CLDN14: variants seen among roughly 807,000 people sequenced by gnomAD.
CLDN14 encodes the protein claudin-14.
CLDN14 carries 2 observed loss-of-function variants against 2.1 expected under a neutral mutation model. The ratio of observed to expected loss-of-function variants is 0.96; its 90% CI spans 0.39 to 3.01. The LOEUF is 3.01. Ranked by LOEUF, CLDN14 falls within the 30% of genes most tolerant of loss-of-function variation. The pLI is 0.09. For synonymous variants in CLDN14, 136 were observed against 154.4 expected, an observed-to-expected ratio of 0.88 and a Z score of 0.88; for missense variants, 298 against 328.0, an observed-to-expected ratio of 0.91 and a Z score of 0.71.
chr21:36,490,973 CA>C (rs1428721530), intron 2 of CLDN14, among the ~76,000 whole-genome samples: 2 of 151,960 alleles, frequency 1.3e-5, no homozygotes, highest in Non-Finnish European at 2.9e-5. Flanking sequence ...CACACACACA[CA>C]CACACACACA....
At chr21:36,486,266 C>T in intron 2 of CLDN14, 1 of 824,008 alleles carries the variant, frequency 1.2e-6, no homozygotes, top group South Asian at 1.4e-5. Flanking sequence ...ATCCCCTCTT[C>T]CTTAGGTCAG....
Position 36,471,977 on chromosome 21 carries a change from T to C in CLDN14, c.-82+7518A>G, listed in dbSNP as rs180723446. Among the ~76,000 whole-genome samples the C allele has an allele frequency of 3.1e-4, 47 of 152,370 alleles. 1 individual carries two copies. The highest frequency in any genetic ancestry group is 3.0e-3 in the Admixed American group (46 of 15,306). On this transcript the variant is annotated intron_variant, in intron 1 of 1. Transcript: ENST00000399135. ...CTCCAAAGCAGTTAGTTGTTAATGA[T>C]AAGAGTAAAAACAGTCATAGTTAAA...
intron 2 of CLDN14, among the ~76,000 whole-genome samples, chr21:36,492,570 A>C (rs2086979262): frequency 6.6e-6 from 1 of 152,168 alleles, no homozygotes; most frequent in South Asian, 2.1e-4. Context: ...TGGAGGTTGC[A>C]GTGAGCAGTG....
rs1335614887 is a variant in CLDN14, at chr21:36,537,567, A to G, written c.-219-27067T>C. Among the ~76,000 whole-genome samples the G allele has an allele frequency of 4.6e-5, 7 of 152,282 alleles. No individual in the cohort carries two copies. In the East Asian group the frequency reaches 1.3e-3, roughly 29 times the overall value. On this transcript the variant is annotated intron_variant, in intron 1 of 2. Coordinates refer to the CLDN14 transcript ENST00000342108. ...AGATACATAGGAGAATGTCCTTGGT[A>G]GACATCTAATGAAATATTTATAGTC... is the stretch of plus-strand genomic sequence containing the variant.
intron 1 of CLDN14, among the ~76,000 whole-genome samples, chr21:36,575,473 G>T (rs1945221880): frequency 6.6e-6 from 1 of 152,142 alleles, no homozygotes. Flanking sequence ...ATGTGTCAGG[G>T]TTAGGGTTTT....
At position 36,550,571 on chromosome 21, in the gene CLDN14, C is replaced by T. The variant is rs181891541; in HGVS notation, c.-220+25840G>A. ...CAGGTGCTGTCTGGAAAGTTGGGCCCATGGCATCAGCCCGGTTTCTAACCT... is the reference window on the plus strand; with the variant it reads ...CAGGTGCTGTCTGGAAAGTTGGGCCTATGGCATCAGCCCGGTTTCTAACCT... On this transcript the variant is annotated intron_variant, in intron 1 of 2. Transcript: ENST00000342108. Among the ~76,000 whole-genome samples, 88 of 152,260 alleles carry T rather than the reference C, an allele frequency of 5.8e-4. 3 individuals are homozygous for T. The highest frequency in any genetic ancestry group is 2.8e-3 in the Admixed American group (43 of 15,294).
intron 1 of CLDN14, among the ~76,000 whole-genome samples, chr21:36,549,778 T>A (rs1196229375): frequency 2.0e-5 from 3 of 152,200 alleles, no homozygotes; most frequent in Non-Finnish European, 2.9e-5. Context: ...CTTCAGGTCT[T>A]CACTCAAGTG....
chr21:36,463,873 G>A (rs926986183), intron 1 of CLDN14, among the ~76,000 whole-genome samples: 11 of 152,118 alleles, frequency 7.2e-5, no homozygotes, highest in African/African-American at 2.2e-4. Flanking sequence ...TAAATACTTT[G>A]GCATTGTAGG....
At position 36,498,826 on chromosome 21, in the gene CLDN14, T is replaced by C. The variant is rs1278519851; in HGVS notation, c.-82+11537A>G. 6.6e-6 allele frequency among the ~76,000 whole-genome samples: 1 copy of C among 152,104 alleles called. No individual in the cohort carries two copies. Among genetic ancestry groups the C allele is most frequent in the Admixed American group, 6.6e-5 (1 of 15,258 alleles). ...GGACACCATCAGCCCTGCACGAAGG[T>C]GGCCGCTGAGGGGCCCTCATGGGGG... On this transcript the variant is annotated intron_variant, in intron 2 of 2. Coordinates refer to the CLDN14 transcript ENST00000342108. This position sits in a 1 kb window ranked among gnomAD's most constrained non-coding sequence, Gnocchi z 4.9.
intron 1 of CLDN14, among the ~76,000 whole-genome samples, chr21:36,539,928 T>G (rs1162856768): frequency 6.9e-6 from 1 of 145,328 alleles, no homozygotes; most frequent in South Asian, 2.2e-4. Context: ...GTCTGTGGAG[T>G]GTGTGTGTGG....
intron 1 of CLDN14, among the ~76,000 whole-genome samples, chr21:36,462,449 T>C (rs1321031624): frequency 2.0e-5 from 3 of 152,168 alleles, no homozygotes; most frequent in Non-Finnish European, 4.4e-5. Flanking sequence ...CCATTCACTA[T>C]GCCTGCTTGT....
intron 2 of CLDN14, among the ~76,000 whole-genome samples, chr21:36,497,484 G>A (rs1428683850): frequency 6.6e-6 from 1 of 150,500 alleles, no homozygotes; most frequent in African/African-American, 2.4e-5. Flanking sequence ...AGGGGCTCAG[G>A]GTCTGTTTTC....
chr21:36,517,262 C>T (rs1021604048), intron 1 of CLDN14, among the ~76,000 whole-genome samples: 4 of 152,228 alleles, frequency 2.6e-5, no homozygotes, highest in African/African-American at 7.2e-5. Context: ...CAGCCACATT[C>T]GTTTGTGTAC....
chr21:36,570,141 T>G (rs1411615301), intron 1 of CLDN14, among the ~76,000 whole-genome samples: 1 of 152,208 alleles, frequency 6.6e-6, no homozygotes, highest in Non-Finnish European at 1.5e-5. Flanking sequence ...TTTAAAAATT[T>G]CCTTATTGGC....
At chr21:36,543,298 C>T (rs930008152) in intron 1 of CLDN14, among the ~76,000 whole-genome samples, 2 of 152,190 alleles carry the variant, frequency 1.3e-5, no homozygotes, top group African/African-American at 2.4e-5. Flanking sequence ...TGAAGGGGGA[C>T]AGTAGGGTCT....
At chr21:36,490,020 G>GT (rs1295350398) in intron 2 of CLDN14, among the ~76,000 whole-genome samples, 1 of 152,182 alleles carries the variant, frequency 6.6e-6, no homozygotes, top group African/African-American at 2.4e-5. Context: ...AGGCCCAGCT[G>GT]TATCTCTTAC....
chr21:36,485,669 C>T (rs1386083162), intron 2 of CLDN14, among the ~76,000 whole-genome samples: 1 of 152,202 alleles, frequency 6.6e-6, no homozygotes, highest in African/African-American at 2.4e-5. Flanking sequence ...ATCCTCTGCT[C>T]TGTCCTGTTT....
intron 1 of CLDN14, among the ~76,000 whole-genome samples, chr21:36,572,971 A>C (rs1156306443): frequency 2.0e-5 from 3 of 152,232 alleles, no homozygotes. Context: ...ATTTCAAAAC[A>C]GTGTCTTCTA....
intron 1 of CLDN14, among the ~76,000 whole-genome samples, chr21:36,539,619 TGTGTGTGGAGTGAGTGTGTGCGGA>T (rs1169098545): frequency 7.2e-6 from 1 of 139,018 alleles, no homozygotes; most frequent in African/African-American, 2.7e-5. Flanking sequence ...GTATGTGGAG[TGTGTGTGGAGTGAGTGTGTGCGGA>T]GTGTGTGTGT....
Sources: gnomAD v4.1 joint callset for allele counts (sites outside exome capture counted in the v4.1 genomes callset) on GRCh38, gnomAD v4.1.1 for gene constraint, Gnocchi (gnomAD v3.1) non-coding constraint, MANE v1.5 for transcripts, NCBI Gene and HGNC (gene_info 2026-07-23, HGNC 2026-07-21) for gene names.